Variants in MGAT4C observed in about 807,000 individuals in gnomAD.
The protein encoded by MGAT4C is alpha-1,3-mannosyl-glycoprotein 4-beta-N-acetylglucosaminyltransferase C.
A neutral mutation model predicts 40.1 loss-of-function variants in MGAT4C; 19 were observed. The ratio of observed to expected loss-of-function variants is 0.47; its 90% confidence interval spans 0.33 to 0.70. The LOEUF (loss-of-function observed/expected upper bound fraction) is 0.70. Ranked by LOEUF, MGAT4C falls within the 30% of genes least tolerant of loss-of-function variation. The pLI, the probability that MGAT4C is intolerant of heterozygous loss-of-function variation, is 0.02. For missense variants in MGAT4C, 491 were observed against 563.2 expected, an observed-to-expected ratio of 0.87 and a Z score of 1.30; for synonymous variants, 181 against 187.1, an observed-to-expected ratio of 0.97 and a Z score of 0.27.
chr12:86,704,662 C>T (rs1950424581), intron 2 of MGAT4C, among the ~76,000 whole-genome samples: 1 of 152,072 alleles, frequency 6.6e-6, no homozygotes, highest in Admixed American at 6.6e-5. Flanking sequence ...ACTTATAAGG[C>T]AAATTTATTA....
chr12:86,294,116 T>TA (rs1312619455), intron 4 of MGAT4C, among the ~76,000 whole-genome samples: 20 of 116,414 alleles, frequency 1.7e-4, no homozygotes, highest in Admixed American at 4.7e-4. Flanking sequence ...ACTTTAGAAA[T>TA]TAAAAAACAA....
intron 1 of MGAT4C, among the ~76,000 whole-genome samples, chr12:86,228,744 A>T (rs1951199199): frequency 6.6e-6 from 1 of 151,982 alleles, no homozygotes; most frequent in Non-Finnish European, 1.5e-5. Flanking sequence ...AAGAAAAAAC[A>T]TTTAGTCAGC....
chr12:86,699,816 A>G (rs1160591988), intron 2 of MGAT4C, among the ~76,000 whole-genome samples: 2 of 152,160 alleles, frequency 1.3e-5, no homozygotes, highest in Non-Finnish European at 2.9e-5. Flanking sequence ...ATCACCATAA[A>G]GGTATTCATC....
intron 2 of MGAT4C, among the ~76,000 whole-genome samples, chr12:86,468,372 C>G (rs1957711582): frequency 6.6e-6 from 1 of 152,020 alleles, no homozygotes; most frequent in Non-Finnish European, 1.5e-5. Context: ...TTCCAGAACA[C>G]AGCCTGTTCT....
intron 1 of MGAT4C, among the ~76,000 whole-genome samples, chr12:86,203,904 C>A (rs902660623): frequency 4.1e-5 from 6 of 147,678 alleles, no homozygotes; most frequent in African/African-American, 1.5e-4. Context: ...TTGCAGTGAG[C>A]GGAGATCGCG....
At chr12:86,345,294 C>T (rs1209851270) in intron 3 of MGAT4C, among the ~76,000 whole-genome samples, 1 of 151,270 alleles carries the variant, frequency 6.6e-6, no homozygotes, top group Non-Finnish European at 1.5e-5. Flanking sequence ...TATTATTATA[C>T]TTTAAGTTTT....
At chr12:86,006,273 A>G (rs1887863031) in intron 2 of MGAT4C, among the ~76,000 whole-genome samples, 1 of 152,140 alleles carries the variant, frequency 6.6e-6, no homozygotes, top group South Asian at 2.1e-4. Context: ...AGATTCTTCA[A>G]GCTCAAATCA....
Position 86,679,027 on chromosome 12 carries a change from CTAGTT to C in MGAT4C, c.-229+48177_-229+48181del, listed in dbSNP as rs1949926576. Among the ~76,000 whole-genome samples, 3 of 152,066 alleles carry C rather than the reference CTAGTT, an allele frequency of 2.0e-5. No homozygotes were observed. In the East Asian group the frequency reaches 5.8e-4, roughly 29 times the overall value. Reference sequence around the variant, plus strand: ...CACACTGACTTCCACAATGGTTGAACTAGTTTACAGTCCCACCAACAGTGTAAAAG... The same window carrying C: ...CACACTGACTTCCACAATGGTTGAACTACAGTCCCACCAACAGTGTAAAAG... On this transcript the variant is annotated intron_variant, in intron 2 of 7. Coordinates refer to the MGAT4C transcript ENST00000548651.
At chr12:86,689,431 T>A (rs2136594579) in intron 2 of MGAT4C, among the ~76,000 whole-genome samples, 1 of 152,220 alleles carries the variant, frequency 6.6e-6, no homozygotes, top group South Asian at 2.1e-4. Flanking sequence ...TCTTGTTTTT[T>A]CCTCATCTAT....
At position 86,502,446 on chromosome 12, in the gene MGAT4C, G is replaced by C. The variant is rs116421133; in HGVS notation, c.-228-67181C>G. 4.3e-3 allele frequency among the ~76,000 whole-genome samples: 657 copies of C among 151,844 alleles called. 5 individuals carry two copies. The highest frequency in any genetic ancestry group is 0.015 in the African/African-American group (628 of 41,424). On this transcript the variant is annotated intron_variant, in intron 2 of 7. Coordinates refer to the MGAT4C transcript ENST00000548651. ...GGCAGATACATAACATTATACAGTT[G>C]TCAAAATCCATAGAGCTGCACAATA...
intron 2 of MGAT4C, among the ~76,000 whole-genome samples, chr12:86,696,785 C>A (rs1471724592): frequency 6.6e-6 from 1 of 152,050 alleles, no homozygotes; most frequent in Non-Finnish European, 1.5e-5. Context: ...TAGCATCATT[C>A]TCATGAGTTT....
At chr12:86,744,597 C>T (rs1014774912) in intron 1 of MGAT4C, among the ~76,000 whole-genome samples, 5 of 134,306 alleles carry the variant, frequency 3.7e-5, no homozygotes, top group Non-Finnish European at 8.3e-5. Context: ...CAGCACTTCT[C>T]ATAATGAGGT....
Position 86,352,450 on chromosome 12 carries a change from T to C in MGAT4C, c.-119-18323A>G, listed in dbSNP as rs555236677. 2.6e-5 allele frequency among the ~76,000 whole-genome samples: 4 copies of C among 152,212 alleles called. 1 individual carries two copies. Among genetic ancestry groups the C allele is most frequent in the Admixed American group, 2.0e-4 (3 of 15,260 alleles). On this transcript the variant is annotated intron_variant, in intron 3 of 7. Coordinates refer to the MGAT4C transcript ENST00000548651. ...CTTTTCCTATGTATACGAACACCTA[T>C]GTATATTATTTTCCTCCTTTTCACA...
At chr12:86,613,810 C>T (rs1231697037) in intron 2 of MGAT4C, among the ~76,000 whole-genome samples, 1 of 151,962 alleles carries the variant, frequency 6.6e-6, no homozygotes, top group East Asian at 1.9e-4. Flanking sequence ...AGTAAGATTA[C>T]AAAATTACAA....
At chr12:86,806,120 T>C (rs886342625) in intron 1 of MGAT4C, among the ~76,000 whole-genome samples, 12 of 151,996 alleles carry the variant, frequency 7.9e-5, no homozygotes, top group Non-Finnish European at 2.9e-5. Context: ...AAAACCTTTT[T>C]ATTCATTTTC....
At chr12:86,252,820 G>C (rs994704098) in intron 1 of MGAT4C, among the ~76,000 whole-genome samples, 1 of 151,736 alleles carries the variant, frequency 6.6e-6, no homozygotes, top group Non-Finnish European at 1.5e-5. Context: ...TTGTAAAATA[G>C]ACAATAAAAA....
At chr12:86,783,766 G>T (rs889130808) in intron 1 of MGAT4C, among the ~76,000 whole-genome samples, 1 of 151,774 alleles carries the variant, frequency 6.6e-6, no homozygotes, top group Non-Finnish European at 1.5e-5. Flanking sequence ...AAAAATTTTT[G>T]GTACACTTAC....
chr12:86,585,952 TA>T (rs113700182), intron 2 of MGAT4C, among the ~76,000 whole-genome samples: 15 of 150,580 alleles, frequency 1.0e-4, no homozygotes, highest in African/African-American at 2.2e-4. Flanking sequence ...TCCCTTTTTT[TA>T]ATTATTATTA....
intron 2 of MGAT4C, among the ~76,000 whole-genome samples, chr12:86,574,810 T>A (rs2136426239): frequency 6.6e-6 from 1 of 151,936 alleles, no homozygotes; most frequent in Admixed American, 6.6e-5. Flanking sequence ...CTATTTATAT[T>A]GGTGATGAAT....
Sources: allele counts gnomAD v4.1 joint callset (sites outside exome capture counted in the v4.1 genomes callset), GRCh38; gene constraint gnomAD v4.1.1; transcripts MANE v1.5; gene names NCBI Gene and HGNC (gene_info 2026-07-23, HGNC 2026-07-21).